DMD: variants seen among roughly 807,000 people sequenced by gnomAD.
DMD encodes the protein dystrophin.
In DMD, 63 loss-of-function variants were observed where a neutral mutation model predicts 330.1. That is an observed-to-expected ratio of 0.19 (90% confidence interval 0.16 to 0.24). The LOEUF is 0.24. DMD is among the 10% of genes least tolerant of loss of function. The pLI is 1.00. For missense variants in DMD, 3,344 were observed against 2,684.1 expected (o/e 1.25, Z -5.43); for synonymous variants, 1,223 against 959.8 (o/e 1.27, Z -5.07).
At chrX:32,917,942 C>T (rs1313184377) in intron 2 of DMD, among the ~76,000 whole-genome samples, 1 of 106,430 alleles carries the variant, frequency 9.4e-6, no homozygotes, top group East Asian at 3.0e-4. Context: ...CAGGTATCAT[C>T]ACTAGACCAC....
intron 1 of DMD, among the ~76,000 whole-genome samples, chrX:33,067,626 A>C (rs1289459372): frequency 1.8e-5 from 2 of 111,838 alleles, no homozygotes; most frequent in Non-Finnish European, 3.8e-5. Context: ...GGATCACCTG[A>C]GATCAGGAGT....
intron 59 of DMD, among the ~76,000 whole-genome samples, chrX:31,475,370 A>T (rs934782909): frequency 5.4e-5 from 6 of 111,562 alleles, no homozygotes; most frequent in African/African-American, 2.0e-4. Context: ...TTGAACTGTT[A>T]TGCTTTTAGT....
intron 1 of DMD, among the ~76,000 whole-genome samples, chrX:33,317,839 C>A (rs2053954894): frequency 9.0e-6 from 1 of 111,400 alleles, no homozygotes; most frequent in Non-Finnish European, 1.9e-5. Flanking sequence ...AAACAAGTAT[C>A]CATATTGAAC....
intron 44 of DMD, among the ~76,000 whole-genome samples, chrX:32,201,667 G>A (rs1398978687): frequency 9.0e-6 from 1 of 111,447 alleles, no homozygotes; most frequent in Admixed American, 9.6e-5. Flanking sequence ...GGAAAATGCT[G>A]AAGGGAACTT....
rs368976469 is a variant in DMD at position 31,684,150 on chromosome X, G to C, written c.7661-4564C>G. ...CCATACACAAAATGATTTCAGTGCA[G>C]TGGTAGAAATCTTACTGTAGGAGAT... is the stretch of plus-strand genomic sequence containing the variant. On this transcript the variant is annotated intron_variant, in intron 52 of 78. Coordinates refer to ENST00000357033, the MANE Select transcript of DMD (RefSeq NM_004006.3). 8.9e-5 allele frequency among the ~76,000 whole-genome samples: 10 copies of C among 111,892 alleles called. No homozygotes were observed. The East Asian group carries it at 2.5e-3, about 28-fold the overall frequency.
intron 52 of DMD, among the ~76,000 whole-genome samples, chrX:31,706,998 T>C (rs988669838): frequency 2.6e-4 from 29 of 111,953 alleles, no homozygotes; most frequent in African/African-American, 8.7e-4. Flanking sequence ...AAACAAAAGA[T>C]AGCTGATATA....
chrX:31,209,456 T>C, intron 65 of DMD, 42 bp downstream of exon 65: 8 of 1,174,281 alleles, frequency 6.8e-6, no homozygotes, highest in Non-Finnish European at 8.1e-6. Flanking sequence ...ACGCTAAGCC[T>C]CCTGTGACAG....
At chrX:32,016,732 G>A (rs866234268) in intron 44 of DMD, among the ~76,000 whole-genome samples, 1 of 112,398 alleles carries the variant, frequency 8.9e-6, no homozygotes, top group African/African-American at 3.2e-5. Context: ...CTGACCATAA[G>A]CACCATGAGA....
At chrX:33,333,151 A>G (rs748530434) in intron 1 of DMD, among the ~76,000 whole-genome samples, 2 of 111,468 alleles carry the variant, frequency 1.8e-5, no homozygotes, top group African/African-American at 6.5e-5. Context: ...CAAGCCAACT[A>G]AAGAAAAAAT....
intron 55 of DMD, among the ~76,000 whole-genome samples, chrX:31,611,152 AT>A (rs1487680556): frequency 9.1e-6 from 1 of 109,864 alleles, no homozygotes; most frequent in Non-Finnish European, 1.9e-5. Flanking sequence ...TGGTTCTCAA[AT>A]TTAAGTGGGC....
intron 62 of DMD, among the ~76,000 whole-genome samples, chrX:31,281,852 T>C (rs1039498283): frequency 8.9e-6 from 1 of 112,262 alleles, no homozygotes; most frequent in African/African-American, 3.2e-5. Context: ...GTCAGATTTG[T>C]GTCATTTTAA....
intron 9 of DMD, among the ~76,000 whole-genome samples, chrX:32,691,362 G>T (rs1181989325): frequency 9.1e-6 from 1 of 109,791 alleles, no homozygotes; most frequent in Non-Finnish European, 1.9e-5. Flanking sequence ...TGGGCTAAAG[G>T]CTTGAACAGA....
At chrX:31,559,045 G>C (rs1340780048) in intron 55 of DMD, among the ~76,000 whole-genome samples, 1 of 111,966 alleles carries the variant, frequency 8.9e-6, no homozygotes, top group Non-Finnish European at 1.9e-5. Flanking sequence ...TAAAAATGAA[G>C]AGATGACACT....
chrX:31,416,239 G>A (rs146207014), intron 60 of DMD, among the ~76,000 whole-genome samples: 2,239 of 111,943 alleles, frequency 0.02, 25 homozygotes, highest in African/African-American at 0.047. Context: ...ATATATCTCT[G>A]TGAACCTTGG....
intron 2 of DMD, among the ~76,000 whole-genome samples, chrX:33,000,347 T>A (rs1356254591): frequency 8.9e-6 from 1 of 112,422 alleles, no homozygotes. Flanking sequence ...CAACTATATG[T>A]AATTGTTTCA....
intron 60 of DMD, among the ~76,000 whole-genome samples, chrX:31,366,189 G>A (rs1428976372): frequency 2.7e-5 from 3 of 110,796 alleles, no homozygotes; most frequent in Non-Finnish European, 5.7e-5. Context: ...AAATTGCAAA[G>A]GGACGAAATC....
intron 21 of DMD, among the ~76,000 whole-genome samples, chrX:32,478,701 A>G (rs1470050385): frequency 1.8e-5 from 2 of 111,720 alleles, no homozygotes; most frequent in East Asian, 5.6e-4. Flanking sequence ...CAAAATCAAT[A>G]TTCTATCCTC....
intron 9 of DMD, among the ~76,000 whole-genome samples, chrX:32,652,609 G>A (rs965457543): frequency 1.8e-5 from 2 of 110,979 alleles, no homozygotes; most frequent in Non-Finnish European, 3.8e-5. Flanking sequence ...GTGTGCATCT[G>A]TCTTTATAGC....
chrX:31,633,682 T>G (rs908600193), intron 54 of DMD, among the ~76,000 whole-genome samples: 3 of 112,234 alleles, frequency 2.7e-5, no homozygotes, highest in African/African-American at 9.7e-5. Flanking sequence ...AAGTGATAAA[T>G]GTATCTTAAA....
Sources: gnomAD v4.1 joint callset for allele counts (sites outside exome capture counted in the v4.1 genomes callset) on GRCh38, gnomAD v4.1.1 for gene constraint, MANE v1.5 for transcripts, NCBI Gene and HGNC (gene_info 2026-07-23, HGNC 2026-07-21) for gene names.